Variants in DNAH6 observed in about 807,000 individuals in gnomAD.
The protein encoded by DNAH6 is dynein axonemal heavy chain 6, also known as axonemal beta dynein heavy chain 6.
In DNAH6, 340 loss-of-function variants were observed where a neutral mutation model predicts 491.4. That is an observed-to-expected ratio of 0.69 (90% confidence interval 0.63 to 0.76). The LOEUF (loss-of-function observed/expected upper bound fraction) is 0.76. DNAH6 is among the 30% of genes least tolerant of loss of function. The pLI is 0.00. For missense variants in DNAH6, 4,443 were observed against 4,972.2 expected (o/e 0.89, Z 3.20); for synonymous variants, 1,603 against 1,686.1 (o/e 0.95, Z 1.21).
At chr2:84,757,246 C>T (rs1033021447) in intron 63 of DNAH6, among the ~76,000 whole-genome samples, 1 of 152,150 alleles carries the variant, frequency 6.6e-6, no homozygotes, top group African/African-American at 2.4e-5. Context: ...GAGGACCAAG[C>T]AGGTCAGTGT....
At chr2:84,527,024 T>C (rs1676663721) in intron 3 of DNAH6, among the ~76,000 whole-genome samples, 1 of 152,094 alleles carries the variant, frequency 6.6e-6, no homozygotes, top group Non-Finnish European at 1.5e-5. Flanking sequence ...AAGAGAAATA[T>C]GAAAAATGGG....
At chr2:84,681,285 C>A in intron 41 of DNAH6, 72 bp from the exon 42 acceptor site, 1 of 1,282,400 alleles carries the variant, frequency 7.8e-7, no homozygotes, top group Non-Finnish European at 1.0e-6. Context: ...ACGTTATCAT[C>A]CGGAGTATTT....
chr2:84,685,869 T>C (rs1422042488), intron 43 of DNAH6, among the ~76,000 whole-genome samples: 1 of 152,058 alleles, frequency 6.6e-6, no homozygotes, highest in African/African-American at 2.4e-5. Context: ...GGAGAGAAAG[T>C]AGGAGAAAGA....
At chr2:84,725,989 C>T (rs186339780) in intron 60 of DNAH6, among the ~76,000 whole-genome samples, 6 of 152,272 alleles carry the variant, frequency 3.9e-5, no homozygotes, top group African/African-American at 1.4e-4. Context: ...TTCCCAATTT[C>T]CTGAAATAAT....
chr2:84,491,905 G>A, the DNAH6 span, among the ~76,000 whole-genome samples: 1 of 152,148 alleles, frequency 6.6e-6, no homozygotes, highest in African/African-American at 2.4e-5. Flanking sequence ...GGGTTGATCT[G>A]GCTGGGCCAC....
At chr2:84,588,038 T>A (rs1449883311) in intron 15 of DNAH6, among the ~76,000 whole-genome samples, 1 of 152,200 alleles carries the variant, frequency 6.6e-6, no homozygotes, top group Non-Finnish European at 1.5e-5. Context: ...CATCTTCTGG[T>A]CCACCAGTTC....
intron 47 of DNAH6, 25 bp downstream of exon 47, chr2:84,697,752 T>C (rs1335986249): frequency 6.4e-7 from 1 of 1,551,426 alleles, no homozygotes; most frequent in Admixed American, 2.0e-5. Flanking sequence ...AGTAGTTATG[T>C]GGCTTTATCA....
At chr2:84,490,861 C>T in the DNAH6 span, among the ~76,000 whole-genome samples, 3 of 152,106 alleles carry the variant, frequency 2.0e-5, no homozygotes, top group Non-Finnish European at 4.4e-5. Context: ...GTCCCTGGCC[C>T]ATGAATATAT....
Position 84,658,405 on chromosome 2 carries a change from CA to C in DNAH6, c.5874del (p.Val1959LeufsTer11). 1 of 1,548,950 alleles carries C rather than the reference CA, an allele frequency of 6.5e-7. No individual in the cohort carries two copies. The highest frequency in any genetic ancestry group is 8.7e-7 in the Non-Finnish European group (1 of 1,145,416). On this transcript the variant is annotated frameshift_variant, in exon 36 of 77. Coordinates refer to ENST00000389394, the MANE Select transcript of DNAH6 (RefSeq NM_001370.2). LOFTEE classifies it high-confidence loss of function. ...SQAIPQVDIS[K>X]VTTLCCLLES... ...AAGCAATTCCACAAGTGGACATCAG[CA>C]AAGTTACTACACTCTGTTGCTTATT... is the stretch of plus-strand genomic sequence containing the variant.
At chr2:84,571,076 C>G (rs143150827) in intron 11 of DNAH6, among the ~76,000 whole-genome samples, 1 of 152,298 alleles carries the variant, frequency 6.6e-6, no homozygotes, top group Non-Finnish European at 1.5e-5. Context: ...AATTTGATCA[C>G]TACCAAATCC....
chr2:84,476,139 A>G, the DNAH6 span, among the ~76,000 whole-genome samples: 2 of 152,248 alleles, frequency 1.3e-5, no homozygotes, highest in Non-Finnish European at 2.9e-5. Context: ...ATCTATTATC[A>G]AGAGAAACTT....
At chr2:84,779,308 T>C (rs1313557065) in intron 64 of DNAH6, among the ~76,000 whole-genome samples, 2 of 152,226 alleles carry the variant, frequency 1.3e-5, no homozygotes, top group Non-Finnish European at 1.5e-5. Flanking sequence ...AGTTGTTTTA[T>C]GAATCTGGGT....
At chr2:84,780,440 A>C (rs1169368015) in intron 64 of DNAH6, among the ~76,000 whole-genome samples, 1 of 152,064 alleles carries the variant, frequency 6.6e-6, no homozygotes, top group Non-Finnish European at 1.5e-5. Flanking sequence ...TAATGCTTCC[A>C]ATTGTATTTT....
chr2:84,746,008 A>C (rs1434087920), intron 63 of DNAH6, among the ~76,000 whole-genome samples: 9 of 152,210 alleles, frequency 5.9e-5, no homozygotes, highest in Non-Finnish European at 1.3e-4. Context: ...AGATGAGGCA[A>C]CTGATATGGC....
At chr2:84,528,533 G>A (rs1676821984) in intron 3 of DNAH6, among the ~76,000 whole-genome samples, 1 of 152,078 alleles carries the variant, frequency 6.6e-6, no homozygotes, top group African/African-American at 2.4e-5. Context: ...AGAGGGGGAG[G>A]TTGGGAGGAG....
intron 68 of DNAH6, among the ~76,000 whole-genome samples, chr2:84,792,544 C>G (rs1015956466): frequency 1.3e-5 from 2 of 151,968 alleles, no homozygotes; most frequent in African/African-American, 4.8e-5. Context: ...ACCAATTATA[C>G]CTCAATAAAG....
intron 13 of DNAH6, among the ~76,000 whole-genome samples, chr2:84,579,172 A>G (rs901803138): frequency 6.6e-6 from 1 of 152,214 alleles, no homozygotes; most frequent in African/African-American, 2.4e-5. Flanking sequence ...TTTCTGAAGG[A>G]GAGATCAAAT....
At chr2:84,570,880 A>C (rs1219781612) in intron 11 of DNAH6, among the ~76,000 whole-genome samples, 1 of 152,194 alleles carries the variant, frequency 6.6e-6, no homozygotes, top group African/African-American at 2.4e-5. Context: ...TGTAACACTT[A>C]CTGGGAAGGT....
At chr2:84,544,569 G>A (rs926424697) in intron 5 of DNAH6, 69 bp downstream of exon 5, 8 of 893,098 alleles carry the variant, frequency 9.0e-6, no homozygotes, top group Admixed American at 8.2e-5. Flanking sequence ...CTATTAAGCT[G>A]TTGGTATAGA....
Sources: allele counts gnomAD v4.1 joint callset (sites outside exome capture counted in the v4.1 genomes callset), GRCh38; gene constraint gnomAD v4.1.1; transcripts MANE v1.5; gene names NCBI Gene and HGNC (gene_info 2026-07-23, HGNC 2026-07-21).